The following KCNH1 variants were observed in gnomAD, a reference collection of about 807,000 sequenced individuals.
KCNH1 encodes the protein voltage-gated delayed rectifier potassium channel KCNH1.
Under a neutral mutation model 69.2 loss-of-function variants are expected in KCNH1, and 27 were observed. That is an observed-to-expected ratio of 0.39 (90% CI 0.29 to 0.54). The LOEUF (loss-of-function observed/expected upper bound fraction) is 0.54, where lower values mean the gene tolerates loss of function less well. Ranked by LOEUF, KCNH1 falls within the 20% of genes least tolerant of loss-of-function variation. The probability of loss-of-function intolerance (pLI) is 0.68; values close to 1 mark genes in which losing one functional copy is unlikely to be tolerated. For synonymous variants in KCNH1, 456 were observed against 487.7 expected, an observed-to-expected ratio of 0.93 and a Z score of 0.86; for missense variants, 798 against 1,261.6, an observed-to-expected ratio of 0.63 and a Z score of 5.57.
chr1:211,101,880 A>G (rs946250733), intron 3 of KCNH1, among the ~76,000 whole-genome samples: 1 of 152,242 alleles, frequency 6.6e-6, no homozygotes, highest in African/African-American at 2.4e-5. Context: ...AAAATTGTAT[A>G]TGACCATAAT....
chr1:210,861,426 A>G (rs1574302188), intron 7 of KCNH1: 1 of 776,442 alleles, frequency 1.3e-6, no homozygotes, highest in South Asian at 1.3e-5. Context: ...AATTCATTAT[A>G]CTCCTAGGAA....
intron 5 of KCNH1, among the ~76,000 whole-genome samples, chr1:211,044,942 T>A (rs1461112295): frequency 6.6e-6 from 1 of 150,612 alleles, no homozygotes; most frequent in Admixed American, 6.6e-5. Flanking sequence ...ATAAAAAGGA[T>A]GCTTGCACAC....
chr1:210,849,387 C>T (rs552477273), intron 7 of KCNH1, among the ~76,000 whole-genome samples: 55 of 107,888 alleles, frequency 5.1e-4, no homozygotes, highest in Non-Finnish European at 5.7e-4. Flanking sequence ...TTTTTTGAGA[C>T]GGAGTTTTGC....
rs1197712056 is a variant in KCNH1 at position 210,687,370 on chromosome 1, A to G, written c.2113-3232T>C. ...TTCTGACTGAGTGGTCGACGTGGGC[A>G]GTTCAGACACTCAATGACAGGGCCT... On this transcript the variant is annotated intron_variant, in intron 10 of 10. Coordinates refer to ENST00000271751, the MANE Select transcript of KCNH1 (RefSeq NM_172362.3). 2.6e-5 allele frequency among the ~76,000 whole-genome samples: 4 copies of G among 152,240 alleles called. No individual in the cohort carries two copies. In the East Asian group the frequency reaches 7.7e-4, roughly 29 times the overall value.
At chr1:211,025,304 C>T (rs1689664597) in intron 5 of KCNH1, among the ~76,000 whole-genome samples, 1 of 152,156 alleles carries the variant, frequency 6.6e-6, no homozygotes, top group African/African-American at 2.4e-5. Flanking sequence ...ACCCCTGTTT[C>T]CCCTATGGTT....
intron 10 of KCNH1, among the ~76,000 whole-genome samples, chr1:210,691,834 T>TA (rs1681534092): frequency 6.6e-6 from 1 of 152,160 alleles, no homozygotes; most frequent in Admixed American, 6.5e-5. Flanking sequence ...TTGATTAAGG[T>TA]AAAAAAGAGG....
intron 5 of KCNH1, among the ~76,000 whole-genome samples, chr1:211,075,183 T>C (rs1407750855): frequency 6.6e-6 from 1 of 152,170 alleles, no homozygotes; most frequent in Non-Finnish European, 1.5e-5. Context: ...AGGTCTCCTT[T>C]AGTATCCTTT....
intron 10 of KCNH1, among the ~76,000 whole-genome samples, chr1:210,721,161 G>A (rs1480209795): frequency 6.6e-6 from 1 of 151,998 alleles, no homozygotes; most frequent in Non-Finnish European, 1.5e-5. Context: ...TTCAGCTCAG[G>A]GTTCTCTCCA....
intron 7 of KCNH1, among the ~76,000 whole-genome samples, chr1:210,910,559 TCAGTGA>T (rs1179344586): frequency 6.6e-6 from 1 of 152,226 alleles, no homozygotes; most frequent in African/African-American, 2.4e-5. Context: ...TTCATTGCTG[TCAGTGA>T]CTAGGGTGGC....
intron 6 of KCNH1, among the ~76,000 whole-genome samples, chr1:210,930,845 A>G (rs1358522042): frequency 9.2e-5 from 14 of 152,216 alleles, no homozygotes; most frequent in Non-Finnish European, 1.8e-4. Context: ...GAAAAAACAA[A>G]CAATCCCATC....
intron 1 of KCNH1, among the ~76,000 whole-genome samples, chr1:211,125,351 AC>A (rs1691759006): frequency 6.6e-6 from 1 of 152,240 alleles, no homozygotes; most frequent in Non-Finnish European, 1.5e-5. Flanking sequence ...ACCTTGGCCC[AC>A]ACAGAGGCTT....
At chr1:210,769,006 C>T (rs1050534354) in intron 10 of KCNH1, among the ~76,000 whole-genome samples, 1 of 152,136 alleles carries the variant, frequency 6.6e-6, no homozygotes, top group Non-Finnish European at 1.5e-5. Flanking sequence ...TCTCCCCCTC[C>T]CCCGACTCCT....
At chr1:210,770,980 T>C (rs760842046) in intron 10 of KCNH1, among the ~76,000 whole-genome samples, 4 of 152,174 alleles carry the variant, frequency 2.6e-5, no homozygotes, top group African/African-American at 4.8e-5. Context: ...GTTTATTCCA[T>C]TGAGAAATGG....
intron 10 of KCNH1, among the ~76,000 whole-genome samples, chr1:210,721,176 A>G (rs1413555585): frequency 6.6e-6 from 1 of 152,068 alleles, no homozygotes; most frequent in Non-Finnish European, 1.5e-5. Flanking sequence ...TCTCCACTGT[A>G]TCTAGGAGCC....
chr1:210,881,522 T>C (rs772071026), intron 7 of KCNH1, among the ~76,000 whole-genome samples: 1 of 152,168 alleles, frequency 6.6e-6, no homozygotes, highest in South Asian at 2.1e-4. Flanking sequence ...CTTGTTATGA[T>C]TGGTATCATA....
rs534524622 is a variant in KCNH1 at position 211,069,136 on chromosome 1, G to A, written c.558+13644C>T. 9.8e-5 allele frequency among the ~76,000 whole-genome samples: 15 copies of A among 152,292 alleles called. No homozygotes were observed. In the Middle Eastern group the frequency reaches 0.014, roughly 138 times the overall value. On this transcript the variant is annotated intron_variant, in intron 5 of 10. Coordinates refer to ENST00000271751, the MANE Select transcript of KCNH1 (RefSeq NM_172362.3). ...GCCTAACTAACTGATTGGAGGAAAGGAAATACCCATCTCCAGCCAGCTCTA... is the reference window on the plus strand; with the variant it reads ...GCCTAACTAACTGATTGGAGGAAAGAAAATACCCATCTCCAGCCAGCTCTA...
In KCNH1 at chr1:210,680,489, C is replaced by A. The variant is rs1681239975; in HGVS notation, c.*2792G>T. The A allele has an allele frequency of 6.6e-6, 1 of 152,110 alleles. No individual in the cohort carries two copies. The highest frequency in any genetic ancestry group is 1.5e-5 in the Non-Finnish European group (1 of 68,042). The allele number at this position is 152,110 out of a possible 1,614,324, so 9.4% of individuals were successfully genotyped here. A position where few individuals can be genotyped will look rare whatever the true frequency, so the allele number is the denominator to read the frequency against. On this transcript the variant is annotated 3_prime_UTR_variant, in exon 11 of 11. Transcript: ENST00000271751. ...TAGTAACTTTTTGTTTCCCTAATCTCTCTCCAGCCACCAGATAATGGTTTA... is the reference window on the plus strand; with the variant it reads ...TAGTAACTTTTTGTTTCCCTAATCTATCTCCAGCCACCAGATAATGGTTTA...
intron 1 of KCNH1, among the ~76,000 whole-genome samples, chr1:211,115,145 T>C (rs1447509528): frequency 6.6e-6 from 1 of 152,094 alleles, no homozygotes. Flanking sequence ...CACACCACCA[T>C]GACCAGCTAA....
At chr1:210,725,341 C>A (rs1457389055) in intron 10 of KCNH1, among the ~76,000 whole-genome samples, 3 of 152,172 alleles carry the variant, frequency 2.0e-5, no homozygotes, top group Non-Finnish European at 1.5e-5. Flanking sequence ...TACATTAATT[C>A]AAGATACATT....
Sources: gnomAD v4.1 joint callset for allele counts (sites outside exome capture counted in the v4.1 genomes callset) on GRCh38, gnomAD v4.1.1 for gene constraint, MANE v1.5 for transcripts, NCBI Gene and HGNC (gene_info 2026-07-23, HGNC 2026-07-21) for gene names.